The following FHIP2A variants were observed in gnomAD, a reference collection of about 807,000 sequenced individuals.
FHIP2A encodes family with sequence similarity 160 member B1.
A neutral mutation model predicts 93.5 loss-of-function variants in FHIP2A; 46 were observed. The observed-to-expected ratio is 0.49, with a 90% CI of 0.39 to 0.63. FHIP2A has a LOEUF of 0.63. Ranked by LOEUF, FHIP2A falls within the 20% of genes least tolerant of loss-of-function variation. The pLI, the probability that FHIP2A is intolerant of heterozygous loss-of-function variation, is 0.00. For synonymous variants in FHIP2A, 332 were observed against 326.5 expected (o/e 1.02, Z -0.18); for missense variants, 769 against 909.7 (o/e 0.85, Z 1.99).
chr10:114,896,569 A>G (rs2084002470), intron 16 of FHIP2A, among the ~76,000 whole-genome samples: 1 of 152,204 alleles, frequency 6.6e-6, no homozygotes, highest in Non-Finnish European at 1.5e-5. Context: ...CTCCTTTGGA[A>G]AGGCTCATCA....
In FHIP2A at chr10:114,821,954, G is replaced by C. The variant is rs1323198506; in HGVS notation, c.-125G>C. The C allele has an allele frequency of 6.3e-6, 3 of 478,390 alleles. No homozygotes were observed. The highest frequency in any genetic ancestry group is 9.7e-6 in the Non-Finnish European group (3 of 309,054). 29.6% of individuals were successfully genotyped at this position (478,390 alleles called of 1,614,324 possible). On this transcript the variant is annotated 5_prime_UTR_variant, in exon 1 of 17. Transcript: ENST00000369248. ...CAGGCCCTGCCTCGATCCTCAGCTCGTCCTCCCCGCCCCGCACCGGCCTTC... is the reference window on the plus strand; with the variant it reads ...CAGGCCCTGCCTCGATCCTCAGCTCCTCCTCCCCGCCCCGCACCGGCCTTC...
rs1315880981 is a variant in FHIP2A, at chr10:114,847,223, A to G, written c.1702A>G (p.Ile568Val). The G allele has an allele frequency of 2.5e-6, 4 of 1,608,020 alleles. No homozygotes were observed. The highest frequency in any genetic ancestry group is 2.5e-6 in the Non-Finnish European group (3 of 1,178,532). ...TGATGGAAAAACTGAAGTTCATAAA[A>G]TTGTAAATAGGTGAGTTGCTATATA... ...KNDGKTEVHK[I>V]VNSFLCLVPD... The change falls in exon 12 of 17, where the codon ATT (isoleucine) becomes GTT (valine). Residue 568 changes from isoleucine to valine, a missense_variant. By Grantham distance (29) the Ile-to-Val change is conservative. Transcript: ENST00000369248.
chr10:114,861,402 G>C, intron 16 of FHIP2A, 33 bp from the exon 17 acceptor site: 2 of 1,613,788 alleles, frequency 1.2e-6, no homozygotes, highest in Non-Finnish European at 1.7e-6. Context: ...CTGCTATCTT[G>C]AATTGATTTA....
downstream of FHIP2A, among the ~76,000 whole-genome samples, chr10:114,868,569 A>C (rs564561350): frequency 2.7e-4 from 41 of 152,174 alleles, no homozygotes; most frequent in South Asian, 8.3e-3. Context: ...GGGGGAATAT[A>C]TATATATTTT....
chr10:114,836,088 C>A (rs1368742932), intron 4 of FHIP2A, 36 bp from the exon 5 acceptor site: 1 of 1,502,688 alleles, frequency 6.7e-7, no homozygotes, highest in Admixed American at 1.9e-5. Context: ...AAAAAGTAGC[C>A]TAAGTTTAAA....
In FHIP2A at chr10:114,863,778, CA is replaced by C. The variant is rs1245934283; in HGVS notation, c.*2239del. On this transcript the variant is annotated 3_prime_UTR_variant, in exon 17 of 17. Transcript: ENST00000369248. ...TTCTGTTACTCAGTACTTGCAAAAA[CA>C]GTAACTAAAATGCACTATGCTGAGT... 2 of 1,262,990 alleles carry C rather than the reference CA, an allele frequency of 1.6e-6. No homozygotes were observed. Among genetic ancestry groups the C allele is most frequent in the African/African-American group, 3.1e-5 (2 of 63,748 alleles). The allele number at this position is 1,262,990 out of a possible 1,614,324, so 78.2% of individuals were successfully genotyped here.
intron 16 of FHIP2A, among the ~76,000 whole-genome samples, chr10:114,887,800 G>T (rs2083950752): frequency 6.6e-6 from 1 of 152,282 alleles, no homozygotes; most frequent in East Asian, 1.9e-4. Flanking sequence ...TGCCTTCAAG[G>T]AGCTGAAATC....
chr10:114,829,440 A>G (rs1053206109), intron 1 of FHIP2A, among the ~76,000 whole-genome samples: 20 of 152,266 alleles, frequency 1.3e-4, no homozygotes, highest in African/African-American at 4.6e-4. Context: ...GAAGGCTGTC[A>G]TGGCACTAGT....
rs2083813223 is a variant in FHIP2A at position 114,863,584 on chromosome 10, G to A, written c.*2044G>A. 1 of 1,256,616 alleles carries A rather than the reference G, an allele frequency of 8.0e-7. No individual in the cohort carries two copies. The highest frequency in any genetic ancestry group is 1.4e-5 in the South Asian group (1 of 72,868). The allele number at this position is 1,256,616 out of a possible 1,614,324, so 77.8% of individuals were successfully genotyped here. On this transcript the variant is annotated 3_prime_UTR_variant, in exon 17 of 17. Transcript: ENST00000369248. ...ATGACTTTAATTTGTAATCAGCTAA[G>A]GCTTAAGATTTCATTTGTTTCTAAG...
downstream of FHIP2A, among the ~76,000 whole-genome samples, chr10:114,867,217 A>C (rs2083833914): frequency 6.6e-6 from 1 of 151,882 alleles, no homozygotes. Context: ...TCAAAAAAAA[A>C]AAAAAAGAAG....
At chr10:114,867,915 G>A (rs988005833), downstream of FHIP2A, among the ~76,000 whole-genome samples, 7 of 151,580 alleles carry the variant, frequency 4.6e-5, no homozygotes, top group Non-Finnish European at 7.4e-5. Context: ...ATGAGTCTAA[G>A]GAGTTAAAAT....
At chr10:114,853,179 T>C (rs1334395336) in intron 13 of FHIP2A, among the ~76,000 whole-genome samples, 1 of 152,238 alleles carries the variant, frequency 6.6e-6, no homozygotes, top group African/African-American at 2.4e-5. Context: ...CCTCAAAATA[T>C]GTAGCTTAGA....
At chr10:114,823,730 CT>C (rs2083557403) in intron 1 of FHIP2A, among the ~76,000 whole-genome samples, 1 of 151,340 alleles carries the variant, frequency 6.6e-6, no homozygotes, top group Admixed American at 6.6e-5. Context: ...AACTCCTGAC[CT>C]CAAGTGATCG....
chr10:114,878,650 G>T (rs923915306), intron 16 of FHIP2A, among the ~76,000 whole-genome samples: 2 of 152,010 alleles, frequency 1.3e-5, no homozygotes, highest in Non-Finnish European at 2.9e-5. Flanking sequence ...ATAATGGCAG[G>T]TGCCTGTAAT....
At chr10:114,843,427 C>T (rs1357549135) in intron 6 of FHIP2A, among the ~76,000 whole-genome samples, 1 of 151,772 alleles carries the variant, frequency 6.6e-6, no homozygotes, top group Non-Finnish European at 1.5e-5. Context: ...GCCTCAGCCT[C>T]CCTAGTAGCT....
intron 8 of FHIP2A, 25 bp downstream of exon 8, chr10:114,845,506 G>C (rs1473675779): frequency 7.1e-7 from 1 of 1,416,344 alleles, no homozygotes; most frequent in Non-Finnish European, 9.9e-7. Context: ...ATTGTTTTTT[G>C]ATCATTTTAA....
At chr10:114,860,245 T>G (rs61868015) in intron 14 of FHIP2A, among the ~76,000 whole-genome samples, 171 of 152,290 alleles carry the variant, frequency 1.1e-3, no homozygotes, top group Non-Finnish European at 1.8e-3. Context: ...ATCTTTAAAG[T>G]TTTAGGCCTG....
At position 114,863,075 on chromosome 10, in the gene FHIP2A, T is replaced by C; in HGVS notation, c.*1535T>C. The C allele has an allele frequency of 4.1e-6, 4 of 983,772 alleles. No individual in the cohort carries two copies. The highest frequency in any genetic ancestry group is 4.8e-6 in the Non-Finnish European group (4 of 828,406). The allele number at this position is 983,772 out of a possible 1,614,324, so 60.9% of individuals were successfully genotyped here. A position where few individuals can be genotyped will look rare whatever the true frequency, so the allele number is the denominator to read the frequency against. On this transcript the variant is annotated 3_prime_UTR_variant, in exon 17 of 17. Transcript: ENST00000369248. ...ATGAATAGCCTCAGCTCTAGAATGC[T>C]TACCACTGTTAAAACAACAAAAAGA...
chr10:114,855,246 CA>C lies in FHIP2A; in HGVS notation c.1857del (p.Ala620HisfsTer7). The C allele has an allele frequency of 6.2e-7, 1 of 1,614,010 alleles. No individual in the cohort carries two copies. Among genetic ancestry groups the C allele is most frequent in the Non-Finnish European group, 8.5e-7 (1 of 1,179,954 alleles). ...ICLRWEWPGS[P>X]KALEKCNLEA... ...TTAAGATGGGAGTGGCCTGGGTCTC[CA>C]AAAGCATTGGAAAAGTGCAATTTAG... On this transcript the variant is annotated frameshift_variant, in exon 14 of 17. Transcript: ENST00000369248. LOFTEE classifies it high-confidence loss of function.
Sources: allele counts gnomAD v4.1 joint callset (sites outside exome capture counted in the v4.1 genomes callset), GRCh38; gene constraint gnomAD v4.1.1; transcripts MANE v1.5; gene names NCBI Gene and HGNC (gene_info 2026-07-23, HGNC 2026-07-21).